CGN: variants seen among roughly 807,000 people sequenced by gnomAD.
The protein encoded by CGN is cingulin.
CGN carries 121 observed loss-of-function variants against 157.1 expected under a neutral mutation model. The ratio of observed to expected loss-of-function variants is 0.77; its 90% CI spans 0.66 to 0.90. The LOEUF (loss-of-function observed/expected upper bound fraction) is 0.90. Among genes scored for constraint, CGN ranks in the 40% least tolerant of loss-of-function variants. The pLI is 0.00. For synonymous variants in CGN, 535 were observed against 607.5 expected, an observed-to-expected ratio of 0.88 and a Z score of 1.76; for missense variants, 1,424 against 1,520.9, an observed-to-expected ratio of 0.94 and a Z score of 1.06.
In CGN at chr1:151,529,530, CT is replaced by C. The variant is rs1438762919; in HGVS notation, c.2078del (p.Leu693ArgfsTer54). 6.2e-7 allele frequency: 1 copy of C among 1,613,884 alleles called. No individual in the cohort carries two copies. Among genetic ancestry groups the C allele is most frequent in the African/African-American group, 1.3e-5 (1 of 74,986 alleles). Reference protein sequence around the residue: ...NLQLQKTLQQLRQDCEEASKA... With the variant: ...NLQLQKTLQQXRQDCEEASKA... The stretch of plus-strand genomic sequence containing the variant: ...CCAGCTACAAAAGACCCTCCAGCAA[CT>C]GCGACAGGACTGTGAAGAGGCTTCC... On this transcript the variant is annotated frameshift_variant, in exon 11 of 21. Coordinates refer to ENST00000271636, the MANE Select transcript of CGN (RefSeq NM_020770.3). LOFTEE classifies it high-confidence loss of function.
At chr1:151,530,870 G>C in intron 13 of CGN, 124 bp downstream of exon 13, 1 of 984,580 alleles carries the variant, frequency 1.0e-6, no homozygotes, top group Non-Finnish European at 1.5e-6. Flanking sequence ...GCCAGGTGCG[G>C]TGACTCACTC....
chr1:151,517,882 ACT>A (rs1664447942), intron 1 of CGN, among the ~76,000 whole-genome samples: 1 of 144,330 alleles, frequency 6.9e-6, no homozygotes, highest in Non-Finnish European at 1.5e-5. Flanking sequence ...ACAGGGTCTC[ACT>A]CTGTCACCCA....
Position 151,525,701 on chromosome 1 carries a change from G to T in CGN, c.1674G>T (p.Gln558His), listed in dbSNP as rs138749510. Residue 558 changes from glutamine (Q) to histidine (H), a missense_variant, in exon 9 of 21, where the codon CAG (glutamine) becomes CAT (histidine). Physicochemically the swap from Gln to His is conservative, Grantham distance 24. Transcript: ENST00000271636. ...QKMSALVRGL[Q>H]RELEETSEET... ...TGTCAGCCCTTGTGCGAGGGCTGCA[G>T]AGGGAGCTGGAGGAGACTTCAGAGG... The T allele has an allele frequency of 1.7e-5, 28 of 1,612,390 alleles. No homozygotes were observed. The highest frequency in any genetic ancestry group is 2.0e-5 in the Non-Finnish European group (24 of 1,179,190).
Position 151,527,106 on chromosome 1 carries a change from A to C in CGN, c.1895A>C (p.Lys632Thr). The part of the protein sequence containing the change: ...GDTRQVEVLK[K>T]ELLRTQEELK... ...ACTCGCCAGGTTGAGGTGCTCAAGA[A>C]GGTATTTGGGAATTGGGGGGCAGAA... Residue 632 changes from lysine to threonine, a missense_variant and splice_region_variant, in exon 10 of 21, where the codon AAG (lysine) becomes ACG (threonine). Coordinates refer to ENST00000271636, the MANE Select transcript of CGN (RefSeq NM_020770.3). 1.9e-6 allele frequency: 3 copies of C among 1,614,034 alleles called. No homozygotes were observed. Among genetic ancestry groups the C allele is most frequent in the Non-Finnish European group, 2.5e-6 (3 of 1,179,996 alleles).
At chr1:151,516,092 C>T (rs1664403313) in intron 1 of CGN, among the ~76,000 whole-genome samples, 1 of 152,204 alleles carries the variant, frequency 6.6e-6, no homozygotes, top group African/African-American at 2.4e-5. Flanking sequence ...TAAGAATGCT[C>T]TTCTTCAGAT....
At chr1:151,532,610 C>CTATT in intron 14 of CGN, 38 bp downstream of exon 14, 4 of 1,066,654 alleles carry the variant, frequency 3.8e-6, no homozygotes, top group Non-Finnish European at 4.9e-6. Flanking sequence ...AGGTCCTTGC[C>CTATT]TCTTTTTTTT....
chr1:151,524,770 C>A lies in CGN; in HGVS notation c.1498C>A (p.Leu500Met), dbSNP rs374242687. ...GCTGCGGGAGCGGGAGTTGACAGCC[C>A]TGAAGGGGGCCCTGAAAGAGGAGGT... ...LRLRERELTA[L>M]KGALKEEVAS... The change falls in exon 8 of 21, where the codon CTG becomes ATG. Residue 500 changes from leucine to methionine, a missense_variant. Around this residue, in one of 3 missense-constraint regions of CGN, gnomAD observed 1,187 missense variants for 1,217.6 expected, o/e 0.97. Coordinates refer to ENST00000271636, the MANE Select transcript of CGN (RefSeq NM_020770.3). The surrounding 1 kb of genome is among the most constrained non-coding windows in gnomAD (Gnocchi z 4.4). The A allele has an allele frequency of 3.7e-6, 6 of 1,612,608 alleles. No individual in the cohort carries two copies. The highest frequency in any genetic ancestry group is 2.7e-5 in the African/African-American group (2 of 74,822).
At position 151,535,765 on chromosome 1, in the gene CGN, T is replaced by C. The variant is rs769370285; in HGVS notation, c.3079-15T>C. On this transcript the variant is annotated splice_polypyrimidine_tract_variant and intron_variant, in intron 17 of 20. Transcript: ENST00000271636. The stretch of plus-strand genomic sequence containing the variant: ...CAGTGGAGTGCTAACTGTGGAGGCT[T>C]CCTGTCCCTCTCAGAACAAGGACCT... 4 of 1,613,156 alleles carry C rather than the reference T, an allele frequency of 2.5e-6. No individual in the cohort carries two copies. Among genetic ancestry groups the C allele is most frequent in the Non-Finnish European group, 3.4e-6 (4 of 1,179,108 alleles).
chr1:151,535,633 A>G lies in CGN; in HGVS notation c.3028A>G (p.Arg1010Gly). The change falls in exon 17 of 21, where the codon AGG becomes GGG. Residue 1010 changes from arginine to glycine, a missense_variant. Arg to Gly is a moderately radical substitution (Grantham distance 125). Around this residue, in one of 3 missense-constraint regions of CGN, gnomAD observed 199 missense variants for 272.2 expected, o/e 0.73. Coordinates refer to ENST00000271636, the MANE Select transcript of CGN (RefSeq NM_020770.3). ...GCTGAGGACAGAGCTCATGCAGGAA[A>G]GGTCTGCTCGGCAGGACCTGGAGTG... ...DQLRTELMQE[R>G]SARQDLECDK... is the part of the protein sequence containing the mutation. 6.2e-7 allele frequency: 1 copy of G among 1,614,146 alleles called. No homozygotes were observed. The highest frequency in any genetic ancestry group is 8.5e-7 in the Non-Finnish European group (1 of 1,180,014).
intron 6 of CGN, 81 bp downstream of exon 6, chr1:151,523,642 G>T (rs936043620): frequency 1.5e-6 from 2 of 1,368,952 alleles, no homozygotes; most frequent in Non-Finnish European, 9.7e-7. Context: ...TGCCCCTAGG[G>T]TTGAAGGAGA....
Position 151,519,366 on chromosome 1 carries a change from A to C in CGN, c.847A>C (p.Ser283Arg). The change falls in exon 2 of 21, where the codon AGT becomes CGT. Residue 283 changes from serine to arginine, a missense_variant. Around this residue, in one of 3 missense-constraint regions of CGN, gnomAD observed 1,187 missense variants for 1,217.6 expected, o/e 0.97. Coordinates refer to ENST00000271636, the MANE Select transcript of CGN (RefSeq NM_020770.3). ...VLQSFEEPRR[S>R]AQDPTMLQFK... is the part of the protein sequence containing the mutation. ...TCAGAGTTTTGAGGAGCCGCGGAGG[A>C]GTGCACAGGACCCCACCATGCTGCA... The C allele has an allele frequency of 6.3e-7, 1 of 1,599,706 alleles. No individual in the cohort carries two copies. Among genetic ancestry groups the C allele is most frequent in the Non-Finnish European group, 8.5e-7 (1 of 1,178,718 alleles).
chr1:151,523,416 T>C lies in CGN; in HGVS notation c.1141-18T>C, dbSNP rs1664587055. 1.9e-6 allele frequency: 3 copies of C among 1,598,224 alleles called. No individual in the cohort carries two copies. Among genetic ancestry groups the C allele is most frequent in the Non-Finnish European group, 1.7e-6 (2 of 1,173,678 alleles). On this transcript the variant is annotated intron_variant, in intron 5 of 20. Transcript: ENST00000271636. ...TTTCCCTACCCTCTACCTGCTGTAC[T>C]CTCATTCCCTTTTACAGAAGCGGCA... is the stretch of plus-strand genomic sequence containing the variant.
At position 151,528,254 on chromosome 1, in the gene CGN, C is replaced by T. The variant is rs549320056; in HGVS notation, c.1897-1096C>T. 6.3e-4 allele frequency among the ~76,000 whole-genome samples: 95 copies of T among 151,782 alleles called. 1 individual carries two copies. Among genetic ancestry groups the T allele is most frequent in the Non-Finnish European group, 1.1e-3 (78 of 67,898 alleles). ...CGCCCTCCTTGGCCTCCCAAAGTGC[C>T]GGGATTACAGGCGTGAGCCACCGCA... On this transcript the variant is annotated intron_variant, in intron 10 of 20. Coordinates refer to ENST00000271636, the MANE Select transcript of CGN (RefSeq NM_020770.3).
intron 10 of CGN, 80 bp downstream of exon 10, chr1:151,527,187 A>G (rs1664702741): frequency 6.6e-7 from 1 of 1,512,628 alleles, no homozygotes; most frequent in Non-Finnish European, 9.2e-7. Flanking sequence ...CCTTCTTGCT[A>G]GTGGGGCTAT....
chr1:151,537,353 G>A lies in CGN; in HGVS notation c.*7G>A. 1 of 1,611,832 alleles carries A rather than the reference G, an allele frequency of 6.2e-7. No individual in the cohort carries two copies. Among genetic ancestry groups the A allele is most frequent in the East Asian group, 2.2e-5 (1 of 44,860 alleles). On this transcript the variant is annotated 3_prime_UTR_variant, in exon 21 of 21. Transcript: ENST00000271636. Reference sequence around the variant, plus strand: ...ACAGACCAGCTCCTGTTAGCTCGTGGTCCTCAAGGACTCAGAAACCAGGCT... The same window carrying A: ...ACAGACCAGCTCCTGTTAGCTCGTGATCCTCAAGGACTCAGAAACCAGGCT...
rs753255750 is a variant in CGN, at chr1:151,527,064, G to A, written c.1853G>A (p.Arg618Gln). 14 of 1,614,026 alleles carry A rather than the reference G, an allele frequency of 8.7e-6. No homozygotes were observed. The highest frequency in any genetic ancestry group is 2.2e-5 in the East Asian group (1 of 44,896). Residue 618 changes from arginine to glutamine, a missense_variant, in exon 10 of 21, where the codon CGA becomes CAA. Around this residue, in one of 3 missense-constraint regions of CGN, gnomAD observed 1,187 missense variants for 1,217.6 expected, o/e 0.97. Coordinates refer to ENST00000271636, the MANE Select transcript of CGN (RefSeq NM_020770.3). The stretch of plus-strand genomic sequence containing the variant: ...TTGCAGAGGGAATTAGAGCAGGCCC[G>A]AGCTAGTGCTGGAGATACTCGCCAG... ...EVLQRELEQA[R>Q]ASAGDTRQVE...
intron 18 of CGN, 53 bp downstream of exon 18, chr1:151,535,951 C>T: frequency 7.0e-7 from 1 of 1,434,296 alleles, no homozygotes; most frequent in Non-Finnish European, 9.7e-7. Context: ...TCCTCCCTCC[C>T]TCTTGGCTTT....
rs1217431665 is a variant in CGN, at chr1:151,511,966, C to A, written c.-15+451C>A. Among the ~76,000 whole-genome samples, 1 of 152,132 alleles carries A rather than the reference C, an allele frequency of 6.6e-6. No homozygotes were observed. The highest frequency in any genetic ancestry group is 1.5e-5 in the Non-Finnish European group (1 of 68,014). On this transcript the variant is annotated intron_variant, in intron 1 of 20. Transcript: ENST00000271636. This position sits in a 1 kb window ranked among gnomAD's most constrained non-coding sequence, Gnocchi z 4.8. Reference sequence around the variant, plus strand: ...GCCTGAGGGTCTTTCCTGCGTCCTGCGGTCTCAGCTGGCCGTTGTCAGCAC... The same window carrying A: ...GCCTGAGGGTCTTTCCTGCGTCCTGAGGTCTCAGCTGGCCGTTGTCAGCAC...
intron 14 of CGN, 121 bp from the exon 15 acceptor site, chr1:151,533,854 A>G (rs1664896120): frequency 3.5e-6 from 3 of 850,560 alleles, no homozygotes; most frequent in Non-Finnish European, 5.4e-6. Context: ...TCATCATGCC[A>G]CTGGTAATTC....
Sources: allele counts gnomAD v4.1 joint callset (sites outside exome capture counted in the v4.1 genomes callset), GRCh38; gene constraint gnomAD v4.1.1; regional missense constraint gnomAD v4.1.1; non-coding constraint Gnocchi (gnomAD v3.1); transcripts MANE v1.5; gene names NCBI Gene and HGNC (gene_info 2026-07-23, HGNC 2026-07-21).